Variants in TTC19 observed in about 807,000 individuals in gnomAD.
TTC19 encodes the protein tetratricopeptide repeat domain 19.
In TTC19, 38 loss-of-function variants were observed where a neutral mutation model predicts 49.5. The ratio of observed to expected loss-of-function variants is 0.77; its 90% CI spans 0.59 to 1.01. The LOEUF (loss-of-function observed/expected upper bound fraction) is 1.01. Ranked by LOEUF, TTC19 falls within the 50% of genes least tolerant of loss-of-function variation. The pLI is 0.00. For synonymous variants in TTC19, 204 were observed against 185.2 expected, an observed-to-expected ratio of 1.10 and a Z score of -0.83; for missense variants, 475 against 477.7, an observed-to-expected ratio of 0.99 and a Z score of 0.05.
chr17:16,001,707 C>G (rs766607296), intron 2 of TTC19, among the ~76,000 whole-genome samples: 5 of 152,208 alleles, frequency 3.3e-5, no homozygotes, highest in Non-Finnish European at 7.4e-5. Context: ...AAAACTTCAT[C>G]AGATGGCCAC....
intron 7 of TTC19, chr17:16,023,933 TG>T (rs1971462862): frequency 6.6e-6 from 1 of 152,260 alleles, no homozygotes; most frequent in Non-Finnish European, 1.5e-5. Context: ...ACGACAGCTT[TG>T]CTGGTAAATA....
chr17:16,027,161 T>TC, intron 9 of TTC19: 1 of 592,526 alleles, frequency 1.7e-6, no homozygotes, highest in East Asian at 2.9e-5. Flanking sequence ...CTCATCAAAG[T>TC]CCTCAGGATA....
intron 2 of TTC19, chr17:16,039,267 T>G (rs746252949): frequency 2.4e-4 from 153 of 640,304 alleles, no homozygotes; most frequent in Non-Finnish European, 3.2e-4. Context: ...TATTATAATG[T>G]CTGGGTAGGT....
Position 16,028,459 on chromosome 17 carries a change from G to GA in TTC19, c.*940dup, listed in dbSNP as rs1338543051. On this transcript the variant is annotated 3_prime_UTR_variant, in exon 10 of 10. Coordinates refer to ENST00000261647, the MANE Select transcript of TTC19 (RefSeq NM_017775.4). ...TCAGTATCTTCATCTCTAAACTAGGGAAACACTGGGATTCTTTCTTAGCTG... is the reference window on the plus strand; with the variant it reads ...TCAGTATCTTCATCTCTAAACTAGGGAAAACACTGGGATTCTTTCTTAGCTG... 2.2e-6 allele frequency: 1 copy of GA among 453,998 alleles called. No homozygotes were observed. The highest frequency in any genetic ancestry group is 2.4e-5 in the Admixed American group (1 of 42,550). The allele number at this position is 453,998 out of a possible 1,614,324, so 28.1% of individuals were successfully genotyped here.
At chr17:16,002,557 T>C (rs1204401144) in intron 3 of TTC19, 1 of 555,832 alleles carries the variant, frequency 1.8e-6, no homozygotes, top group Non-Finnish European at 3.2e-6. Flanking sequence ...ATTAGCATGT[T>C]TTTTTAATGA....
chr17:16,031,768 A>G (rs1374435354), downstream of TTC19: 3 of 230,348 alleles, frequency 1.3e-5, no homozygotes, highest in African/African-American at 6.6e-5. Flanking sequence ...AGAGGAAACA[A>G]TATCAGATAA....
intron 6 of TTC19, among the ~76,000 whole-genome samples, chr17:16,005,892 G>T (rs114581829): frequency 0.024 from 3,727 of 152,186 alleles, 164 homozygotes; most frequent in African/African-American, 0.085. Flanking sequence ...GTTAGTGGGA[G>T]ATGATGAATA....
At chr17:16,009,106 C>T (rs1172113405) in intron 7 of TTC19, among the ~76,000 whole-genome samples, 1 of 152,040 alleles carries the variant, frequency 6.6e-6, no homozygotes, top group Non-Finnish European at 1.5e-5. Context: ...GAACAAAAGA[C>T]CCAAGAAAGA....
intron 6 of TTC19, 42 bp from the exon 7 acceptor site, chr17:16,006,432 A>AT: frequency 7.1e-7 from 1 of 1,401,422 alleles, no homozygotes; most frequent in Non-Finnish European, 1.0e-6. Context: ...GAAAAAAAAA[A>AT]GAAGAAAAGG....
In TTC19 at chr17:15,999,941, G is replaced by A; in HGVS notation, c.93G>A (p.Gly31=). Residue 31 remains glycine, a synonymous_variant, in exon 1 of 10, where the codon GGG becomes GGA. Coordinates refer to ENST00000261647, the MANE Select transcript of TTC19 (RefSeq NM_017775.4). ...GCTGCTCCGCGCGCCTGCTCCCGGG[G>A]CTGGCAGGAGGTCCGGGGCCCGAGG... ...CRGCSARLLP[G]LAGGPGPEVQ... 1 of 1,332,236 alleles carries A rather than the reference G, an allele frequency of 7.5e-7. No individual in the cohort carries two copies. Among genetic ancestry groups the A allele is most frequent in the Non-Finnish European group, 9.5e-7 (1 of 1,048,562 alleles). 82.5% of individuals were successfully genotyped at this position (1,332,236 alleles called of 1,614,324 possible).
chr17:16,042,064 A>C (rs1488693861), intron 2 of TTC19, among the ~76,000 whole-genome samples: 2 of 152,194 alleles, frequency 1.3e-5, no homozygotes, highest in Non-Finnish European at 2.9e-5. Flanking sequence ...AGACCACAGA[A>C]GGATGGACTC....
chr17:16,028,719 A>C lies in TTC19; in HGVS notation c.*1197A>C, dbSNP rs1191478855. ...GGTGGGATGTGAGTGGGACTGATAAACTGATACTTTTGGTTCGTATGTACA... is the reference window on the plus strand; with the variant it reads ...GGTGGGATGTGAGTGGGACTGATAACCTGATACTTTTGGTTCGTATGTACA... On this transcript the variant is annotated 3_prime_UTR_variant, in exon 10 of 10. Coordinates refer to ENST00000261647, the MANE Select transcript of TTC19 (RefSeq NM_017775.4). 1 of 448,322 alleles carries C rather than the reference A, an allele frequency of 2.2e-6. No homozygotes were observed. Among genetic ancestry groups the C allele is most frequent in the Non-Finnish European group, 4.4e-6 (1 of 225,574 alleles). 27.8% of individuals were successfully genotyped at this position (448,322 alleles called of 1,614,324 possible).
chr17:16,001,892 A>T, intron 2 of TTC19, 23 bp from the exon 3 acceptor site: 1 of 1,540,588 alleles, frequency 6.5e-7, no homozygotes, highest in Non-Finnish European at 9.0e-7. Flanking sequence ...TTCATTTTCT[A>T]TTATTTTGTC....
chr17:16,007,008 C>T (rs1273708112), intron 7 of TTC19, among the ~76,000 whole-genome samples: 1 of 152,180 alleles, frequency 6.6e-6, no homozygotes, highest in Non-Finnish European at 1.5e-5. Flanking sequence ...AGGAATAGAA[C>T]TGGATGAGCA....
chr17:16,033,352 A>C (rs369250146), downstream of TTC19, among the ~76,000 whole-genome samples: 2 of 151,864 alleles, frequency 1.3e-5, no homozygotes, highest in Middle Eastern at 3.4e-3. Context: ...AAAAAAAAAA[A>C]AAACCCAAAA....
At chr17:16,004,795 T>A (rs981392610) in intron 6 of TTC19, among the ~76,000 whole-genome samples, 2 of 152,190 alleles carry the variant, frequency 1.3e-5, no homozygotes, top group South Asian at 4.1e-4. Flanking sequence ...ACATGGAGCC[T>A]GATGCTGTAG....
intron 2 of TTC19, among the ~76,000 whole-genome samples, chr17:16,042,873 TTAG>T (rs573799449): frequency 2.0e-5 from 3 of 152,282 alleles, no homozygotes; most frequent in African/African-American, 7.2e-5. Flanking sequence ...TAAGTAGAGC[TTAG>T]TAGGAAAAGC....
At chr17:16,027,270 C>A in intron 9 of TTC19, 104 bp from the exon 10 acceptor site, 2 of 1,358,398 alleles carry the variant, frequency 1.5e-6, no homozygotes, top group Non-Finnish European at 1.0e-6. Context: ...GCTTCATAAG[C>A]ACACAGTAAA....
rs1224387472 is a variant in TTC19, at chr17:15,999,909, T to G, written c.61T>G (p.Cys21Gly). 1 of 1,387,046 alleles carries G rather than the reference T, an allele frequency of 7.2e-7. No homozygotes were observed. The highest frequency in any genetic ancestry group is 9.3e-7 in the Non-Finnish European group (1 of 1,080,316). The allele number at this position is 1,387,046 out of a possible 1,614,324, so 85.9% of individuals were successfully genotyped here. A position where few individuals can be genotyped will look rare whatever the true frequency, so the allele number is the denominator to read the frequency against. ...CTTCCTGCGGGCCGCGGGGCGGCGG[T>G]GCCGGGGCTGCTCCGCGCGCCTGCT... is the stretch of plus-strand genomic sequence containing the variant. ...RGFLRAAGRR[C>G]RGCSARLLPG... The change falls in exon 1 of 10, where the codon TGC (cysteine) becomes GGC (glycine). Residue 21 changes from cysteine (C) to glycine (G), a missense_variant. By Grantham distance (159) the Cys-to-Gly change is radical. Transcript: ENST00000261647.
Sources: allele counts gnomAD v4.1 joint callset (sites outside exome capture counted in the v4.1 genomes callset), GRCh38; gene constraint gnomAD v4.1.1; transcripts MANE v1.5; gene names NCBI Gene and HGNC (gene_info 2026-07-23, HGNC 2026-07-21).